Variants in CPNE8 observed in about 807,000 individuals in gnomAD.
CPNE8 encodes copine-8.
In CPNE8, 45 loss-of-function variants were observed where a neutral mutation model predicts 81.5. That is an observed-to-expected ratio of 0.55 (90% CI 0.44 to 0.71). The LOEUF (loss-of-function observed/expected upper bound fraction) is 0.71. CPNE8 is among the 30% of genes least tolerant of loss of function. CPNE8 has a pLI of 0.00. For synonymous variants in CPNE8, 252 were observed against 226.3 expected (o/e 1.11, Z -1.02); for missense variants, 594 against 672.1 (o/e 0.88, Z 1.28).
chr12:38,719,149 A>C (rs1940486526), intron 13 of CPNE8, among the ~76,000 whole-genome samples: 1 of 152,206 alleles, frequency 6.6e-6, no homozygotes, highest in Non-Finnish European at 1.5e-5. Flanking sequence ...ATTGAATTAT[A>C]TCCTTTTACA....
chr12:38,841,357 C>A (rs1943465647), intron 4 of CPNE8, among the ~76,000 whole-genome samples: 1 of 152,052 alleles, frequency 6.6e-6, no homozygotes, highest in Non-Finnish European at 1.5e-5. Context: ...TATTATGAAT[C>A]TCATCAACAG....
intron 1 of CPNE8, among the ~76,000 whole-genome samples, chr12:38,878,060 A>C (rs1344876661): frequency 1.3e-5 from 2 of 152,220 alleles, no homozygotes; most frequent in Non-Finnish European, 2.9e-5. Context: ...GACAGTTTAC[A>C]AATGCCATGG....
At chr12:38,819,794 A>G (rs1005591941) in intron 6 of CPNE8, among the ~76,000 whole-genome samples, 89 of 148,274 alleles carry the variant, frequency 6.0e-4, no homozygotes, top group Non-Finnish European at 1.0e-3. Context: ...AAAAAAGAGC[A>G]GAGATAATTC....
intron 13 of CPNE8, among the ~76,000 whole-genome samples, chr12:38,717,386 C>T (rs1335184000): frequency 7.2e-6 from 1 of 138,438 alleles, no homozygotes; most frequent in Non-Finnish European, 1.5e-5. Flanking sequence ...ATGTAACCAA[C>T]CTATGTGCCC....
At chr12:38,809,266 C>G (rs1942886392) in intron 6 of CPNE8, among the ~76,000 whole-genome samples, 2 of 152,152 alleles carry the variant, frequency 1.3e-5, no homozygotes, top group Admixed American at 6.6e-5. Context: ...TCTGGAGGCT[C>G]AGGTTGATAG....
At chr12:38,737,823 TTC>T (rs34037924) in intron 10 of CPNE8, among the ~76,000 whole-genome samples, 4 of 151,270 alleles carry the variant, frequency 2.6e-5, no homozygotes, top group Admixed American at 6.6e-5. Flanking sequence ...CACATACTCA[TTC>T]TCTCTCTCTC....
chr12:38,717,429 G>GTATATATATATATATATATATATA (rs57044387), intron 13 of CPNE8, among the ~76,000 whole-genome samples: 18 of 87,022 alleles, frequency 2.1e-4, no homozygotes, highest in African/African-American at 4.6e-4. Flanking sequence ...AAAGTGTGGT[G>GTATATATATATATATATATATATA]TATATATATA....
At chr12:38,748,688 A>G (rs1368198249) in intron 10 of CPNE8, among the ~76,000 whole-genome samples, 1 of 152,012 alleles carries the variant, frequency 6.6e-6, no homozygotes, top group Admixed American at 6.5e-5. Flanking sequence ...TATTTTTAGT[A>G]GAGACGGGGT....
intron 16 of CPNE8, among the ~76,000 whole-genome samples, chr12:38,680,711 G>C (rs1177657477): frequency 6.6e-6 from 1 of 151,906 alleles, no homozygotes; most frequent in African/African-American, 2.4e-5. Context: ...TTATAGCACT[G>C]AACATGTTGT....
At chr12:38,661,423 A>G (rs1157430853) in intron 19 of CPNE8, among the ~76,000 whole-genome samples, 6 of 152,094 alleles carry the variant, frequency 3.9e-5, no homozygotes, top group Admixed American at 3.9e-4. Flanking sequence ...ACACTTGGAC[A>G]CAGGGTGGGG....
intron 16 of CPNE8, 121 bp downstream of exon 16, chr12:38,685,363 TCCCCAC>T: frequency 5.3e-6 from 5 of 936,220 alleles, no homozygotes; most frequent in Admixed American, 2.5e-5. Context: ...ATACATTTTT[TCCCCAC>T]TTTCTTGGAG....
intron 16 of CPNE8, among the ~76,000 whole-genome samples, chr12:38,681,010 G>C (rs1939398065): frequency 6.6e-6 from 1 of 151,798 alleles, no homozygotes; most frequent in Non-Finnish European, 1.5e-5. Flanking sequence ...TAACTCATTA[G>C]GCACAGGAAA....
intron 3 of CPNE8, among the ~76,000 whole-genome samples, chr12:38,862,070 T>C (rs564418290): frequency 9.9e-5 from 15 of 152,144 alleles, no homozygotes; most frequent in African/African-American, 3.6e-4. Context: ...CCAATGAAAG[T>C]TTTTACAACC....
chr12:38,750,800 G>GA (rs1941340074), intron 10 of CPNE8, among the ~76,000 whole-genome samples: 1 of 152,214 alleles, frequency 6.6e-6, no homozygotes, highest in African/African-American at 2.4e-5. Flanking sequence ...AGTTAATGCT[G>GA]AAATGAGTGA....
intron 3 of CPNE8, among the ~76,000 whole-genome samples, chr12:38,867,339 T>TGTGAGA (rs942285728): frequency 1.1e-4 from 14 of 122,094 alleles, no homozygotes; most frequent in Middle Eastern, 4.1e-3. Flanking sequence ...TGTGTGTGTG[T>TGTGAGA]GAGAGAGAGA....
chr12:38,700,536 T>C (rs1288828864), intron 14 of CPNE8, among the ~76,000 whole-genome samples: 3 of 152,256 alleles, frequency 2.0e-5, no homozygotes, highest in South Asian at 4.2e-4. Context: ...GGAAGTCCCC[T>C]TCTATTTCTA....
intron 13 of CPNE8, among the ~76,000 whole-genome samples, chr12:38,712,590 AT>A (rs1459766786): frequency 2.0e-5 from 3 of 152,236 alleles, no homozygotes; most frequent in Non-Finnish European, 4.4e-5. Flanking sequence ...AGTAAAAAAA[AT>A]AATCTGTATG....
chr12:38,812,521 T>C (rs1592113562), intron 6 of CPNE8, among the ~76,000 whole-genome samples: 1 of 152,140 alleles, frequency 6.6e-6, no homozygotes, highest in East Asian at 1.9e-4. Flanking sequence ...GAAAACTCAC[T>C]ATCATGAGAA....
chr12:38,657,318 T>TG (rs1339726733), intron 19 of CPNE8, among the ~76,000 whole-genome samples: 2 of 151,942 alleles, frequency 1.3e-5, no homozygotes, highest in East Asian at 1.9e-4. Context: ...TGCAGCCTGG[T>TG]GGGGGGAGGG....
Sources: allele counts gnomAD v4.1 joint callset (sites outside exome capture counted in the v4.1 genomes callset), GRCh38; gene constraint gnomAD v4.1.1; transcripts MANE v1.5; gene names NCBI Gene and HGNC (gene_info 2026-07-23, HGNC 2026-07-21).